Variants in CTSB observed in about 807,000 individuals in gnomAD.
CTSB encodes the protein cathepsin B.
Under a neutral mutation model 44.3 loss-of-function variants are expected in CTSB, and 57 were observed. The observed-to-expected ratio is 1.29, with a 90% CI of 1.04 to 1.60. CTSB has a LOEUF of 1.60. Ranked by LOEUF, CTSB falls within the 40% of genes most tolerant of loss-of-function variation. The pLI is 0.00. For missense variants in CTSB, 768 were observed against 443.0 expected (o/e 1.73, Z -6.59); for synonymous variants, 320 against 168.0 (o/e 1.91, Z -7.00).
chr8:11,849,398 G>T (rs148977198), intron 4 of CTSB: 1 of 332,132 alleles, frequency 3.0e-6, no homozygotes, highest in African/African-American at 2.1e-5. Context: ...TGCCCACCTT[G>T]GCCTCCCAAA....
Position 11,852,646 on chromosome 8 carries a change from C to A in CTSB, c.176G>T (p.Cys59Phe), listed in dbSNP as rs1563407049. 1 of 1,614,084 alleles carries A rather than the reference C, an allele frequency of 6.2e-7. No individual in the cohort carries two copies. Among genetic ancestry groups the A allele is most frequent in the East Asian group, 2.2e-5 (1 of 44,868 alleles). ...CTTGGGCCCACCCAGGAAGGTACCA[C>A]ATAGCCTCTTCAAGTAGCTCATGTC... ...NVDMSYLKRL[C>F]GTFLGGPKPP... The change falls in exon 3 of 10, where the codon TGT (cysteine) becomes TTT (phenylalanine). Residue 59 changes from cysteine (C) to phenylalanine (F), a missense_variant. Coordinates refer to ENST00000353047, the MANE Select transcript of CTSB (RefSeq NM_001908.5).
intron 8 of CTSB, among the ~76,000 whole-genome samples, chr8:11,846,664 G>T (rs1030954522): frequency 1.3e-5 from 2 of 152,192 alleles, no homozygotes; most frequent in African/African-American, 2.4e-5. Flanking sequence ...GTGCAAACAC[G>T]AACGGCCTGC....
chr8:11,862,387 T>G (rs1172593145), intron 1 of CTSB: 1 of 152,154 alleles, frequency 6.6e-6, no homozygotes, highest in Non-Finnish European at 1.5e-5. Flanking sequence ...AGAAACTTCC[T>G]CAGTCACTGG....
At chr8:11,851,405 G>C (rs1166481636) in intron 3 of CTSB, among the ~76,000 whole-genome samples, 2 of 151,992 alleles carry the variant, frequency 1.3e-5, no homozygotes, top group Non-Finnish European at 2.9e-5. Flanking sequence ...GGCCAGGCTG[G>C]TCTTAAACTC....
rs1490078287 is a variant in CTSB at position 11,842,578 on chromosome 8, GAAGGAT to G, written c.*2541_*2546del. On this transcript the variant is annotated 3_prime_UTR_variant, in exon 10 of 10. Coordinates refer to ENST00000353047, the MANE Select transcript of CTSB (RefSeq NM_001908.5). The stretch of plus-strand genomic sequence containing the variant: ...TATGAATATATTCTACTTGAAACTG[GAAGGAT>G]AAGTGGTTATGAATTTGTGGCTTAT... The G allele has an allele frequency of 5.3e-5, 8 of 152,166 alleles. No individual in the cohort carries two copies. Among genetic ancestry groups the G allele is most frequent in the Non-Finnish European group, 1.0e-4 (7 of 68,034 alleles). 9.4% of individuals were successfully genotyped at this position (152,166 alleles called of 1,614,324 possible).
intron 1 of CTSB, among the ~76,000 whole-genome samples, chr8:11,855,926 G>A (rs947016746): frequency 2.0e-5 from 3 of 152,016 alleles, no homozygotes; most frequent in African/African-American, 7.3e-5. Context: ...GCTGAGACAG[G>A]AGAATTGCTT....
Position 11,849,089 on chromosome 8 carries a change from C to G in CTSB, c.403G>C (p.Ala135Pro), listed in dbSNP as rs972292296. Residue 135 changes from alanine (A) to proline (P), a missense_variant, in exon 5 of 10, where the codon GCG (alanine) becomes CCG (proline). By Grantham distance (27) the Ala-to-Pro change is conservative (BLOSUM62 -1). Coordinates refer to ENST00000353047, the MANE Select transcript of CTSB (RefSeq NM_001908.5). ...CCACAGCATGTGAGCAGGTCCTCCGCCGACACCTCCACGCTGACGTGCGCA... is the reference window on the plus strand; with the variant it reads ...CCACAGCATGTGAGCAGGTCCTCCGGCGACACCTCCACGCTGACGTGCGCA... ...TNAHVSVEVSAEDLLTCCGSM... is the reference protein window; with the variant it reads ...TNAHVSVEVSPEDLLTCCGSM... 6.2e-7 allele frequency: 1 copy of G among 1,613,620 alleles called. No individual in the cohort carries two copies. The highest frequency in any genetic ancestry group is 2.2e-5 in the East Asian group (1 of 44,880).
At chr8:11,867,593 C>A (rs1298256291) in intron 1 of CTSB, 1 of 152,250 alleles carries the variant, frequency 6.6e-6, no homozygotes, top group Non-Finnish European at 1.5e-5. Flanking sequence ...GGCAGTTTGG[C>A]CCGGAGACAC....
At chr8:11,858,880 C>T (rs1815944857) in intron 1 of CTSB, among the ~76,000 whole-genome samples, 1 of 152,238 alleles carries the variant, frequency 6.6e-6, no homozygotes, top group Admixed American at 6.5e-5. Flanking sequence ...TTTATATAGG[C>T]ACCCACTTCC....
At chr8:11,861,604 G>C (rs543738318) in intron 1 of CTSB, 1 of 152,226 alleles carries the variant, frequency 6.6e-6, no homozygotes, top group African/African-American at 2.4e-5. Flanking sequence ...TGTTGTCGTT[G>C]TTGGTTGTAA....
Position 11,845,374 on chromosome 8 carries a change from C to A in CTSB, c.923-152G>T, listed in dbSNP as rs539808130. The A allele has an allele frequency of 1.1e-4, 78 of 681,304 alleles. No individual in the cohort carries two copies. In the Admixed American group the frequency reaches 1.7e-3, roughly 15 times the overall value. The allele number at this position is 681,304 out of a possible 1,614,324, so 42.2% of individuals were successfully genotyped here. On this transcript the variant is annotated intron_variant, in intron 9 of 9. Transcript: ENST00000353047. ...CTCAACACCACAAGGCTTCTGGAGC[C>A]GTGGGGCACACCTCCACGGGCAAGC...
intron 1 of CTSB, among the ~76,000 whole-genome samples, chr8:11,863,301 A>G (rs1816683077): frequency 6.6e-6 from 1 of 152,180 alleles, no homozygotes; most frequent in Admixed American, 6.5e-5. Flanking sequence ...TCTACTAAAA[A>G]TACAAAAATT....
chr8:11,859,197 G>A (rs540991992), intron 1 of CTSB, among the ~76,000 whole-genome samples: 11 of 152,236 alleles, frequency 7.2e-5, no homozygotes, highest in Admixed American at 5.9e-4. Context: ...GCACTTATGA[G>A]AAAGCACGCT....
At position 11,844,839 on chromosome 8, in the gene CTSB, C is replaced by T. The variant is rs931868421; in HGVS notation, c.*286G>A. 10 of 388,568 alleles carry T rather than the reference C, an allele frequency of 2.6e-5. No individual in the cohort carries two copies. The highest frequency in any genetic ancestry group is 1.4e-4 in the African/African-American group (7 of 50,110). The allele number at this position is 388,568 out of a possible 1,614,324, so 24.1% of individuals were successfully genotyped here. ...TTGCTCCCTGGAGATGGATGGATCA[C>T]GGAGGGGGCCACAGTCAGCTGGGGC... is the stretch of plus-strand genomic sequence containing the variant. On this transcript the variant is annotated 3_prime_UTR_variant, in exon 10 of 10. Transcript: ENST00000353047.
At chr8:11,862,283 C>G (rs963822429) in intron 1 of CTSB, 1 of 151,652 alleles carries the variant, frequency 6.6e-6, no homozygotes, top group African/African-American at 2.4e-5. Flanking sequence ...GCCCTGGGAA[C>G]AGATACCCAT....
Position 11,844,407 on chromosome 8 carries a change from G to A in CTSB, c.*718C>T, listed in dbSNP as rs956732825. On this transcript the variant is annotated 3_prime_UTR_variant, in exon 10 of 10. Coordinates refer to ENST00000353047, the MANE Select transcript of CTSB (RefSeq NM_001908.5). The stretch of plus-strand genomic sequence containing the variant: ...AATTTTTCAAAAACAGTAAAAGCTG[G>A]TTTCTCCTAAACTATTTTCCTTGTG... 6.6e-6 allele frequency: 1 copy of A among 152,138 alleles called. No individual in the cohort carries two copies. Among genetic ancestry groups the A allele is most frequent in the Non-Finnish European group, 1.5e-5 (1 of 68,032 alleles). 9.4% of individuals were successfully genotyped at this position (152,138 alleles called of 1,614,324 possible). A position where few individuals can be genotyped will look rare whatever the true frequency, so the allele number is the denominator to read the frequency against.
At chr8:11,861,792 T>G (rs958976197) in intron 1 of CTSB, among the ~76,000 whole-genome samples, 1 of 152,184 alleles carries the variant, frequency 6.6e-6, no homozygotes, top group Admixed American at 6.5e-5. Context: ...TGCAATGAGA[T>G]TAGTGTTCTG....
intron 8 of CTSB, chr8:11,846,014 T>G (rs1692812): frequency 0.21 from 80,900 of 383,786 alleles, 9,931 homozygotes; most frequent in Non-Finnish European, 0.26. Context: ...TGAAATAGAT[T>G]CCTACAAAAT....
intron 1 of CTSB, among the ~76,000 whole-genome samples, chr8:11,861,880 T>G (rs766312609): frequency 8.9e-4 from 136 of 151,992 alleles, no homozygotes; most frequent in Non-Finnish European, 1.6e-3. Flanking sequence ...TACACCAGGG[T>G]AGTTGAGGCT....
Sources: allele counts gnomAD v4.1 joint callset (sites outside exome capture counted in the v4.1 genomes callset), GRCh38; gene constraint gnomAD v4.1.1; transcripts MANE v1.5; gene names NCBI Gene and HGNC (gene_info 2026-07-23, HGNC 2026-07-21).